Variants in ADAMTS16 observed in about 807,000 individuals in gnomAD.
ADAMTS16 encodes A disintegrin and metalloproteinase with thrombospondin motifs 16.
In ADAMTS16, 94 loss-of-function variants were observed where a neutral mutation model predicts 145.8. The ratio of observed to expected loss-of-function variants is 0.64; its 90% CI spans 0.55 to 0.77. ADAMTS16 has a LOEUF of 0.77. Ranked by LOEUF, ADAMTS16 falls within the 30% of genes least tolerant of loss-of-function variation. ADAMTS16 has a pLI of 0.00. For synonymous variants in ADAMTS16, 659 were observed against 604.3 expected (o/e 1.09, Z -1.33); for missense variants, 1,585 against 1,591.5 (o/e 1.00, Z 0.07).
At chr5:5,252,000 G>A (rs764168257) in intron 17 of ADAMTS16, among the ~76,000 whole-genome samples, 3 of 152,104 alleles carry the variant, frequency 2.0e-5, no homozygotes, top group South Asian at 2.1e-4. Context: ...ACAGGCGGCC[G>A]CCACCACGCC....
At chr5:5,266,067 T>A (rs1738230790) in intron 18 of ADAMTS16, among the ~76,000 whole-genome samples, 1 of 151,860 alleles carries the variant, frequency 6.6e-6, no homozygotes, top group Non-Finnish European at 1.5e-5. Flanking sequence ...ACTAGTTCCA[T>A]GTGGAAGTAA....
Position 5,237,136 on chromosome 5 carries a change from C to T in ADAMTS16, c.2154+37C>T, listed in dbSNP as rs372963528. ...CCTTCATTCATTCAACAAATGATTC[C>T]GGACAGTCTGCTTTGTGTCAAGCAT... On this transcript the variant is annotated intron_variant, in intron 14 of 22. Coordinates refer to ENST00000274181, the MANE Select transcript of ADAMTS16 (RefSeq NM_139056.4). 44 of 1,599,958 alleles carry T rather than the reference C, an allele frequency of 2.8e-5. No individual in the cohort carries two copies. The African/African-American group carries it at 3.8e-4, about 14-fold the overall frequency.
chr5:5,256,161 C>G (rs1271121512), intron 17 of ADAMTS16, among the ~76,000 whole-genome samples: 2 of 152,178 alleles, frequency 1.3e-5, no homozygotes, highest in Non-Finnish European at 2.9e-5. Flanking sequence ...GCATTCTCAA[C>G]TGAAGATTCT....
intron 18 of ADAMTS16, among the ~76,000 whole-genome samples, chr5:5,272,084 G>A (rs191195488): frequency 1.3e-5 from 2 of 152,090 alleles, no homozygotes; most frequent in Non-Finnish European, 2.9e-5. Context: ...ATCTGAGGCC[G>A]TGAAAATACT....
chr5:5,209,976 A>T (rs1457649436), intron 10 of ADAMTS16, among the ~76,000 whole-genome samples: 1 of 152,188 alleles, frequency 6.6e-6, no homozygotes, highest in Admixed American at 6.6e-5. Context: ...ATGCATTGGG[A>T]ATACTCCCAA....
At chr5:5,191,877 TCC>T in intron 8 of ADAMTS16, 87 bp downstream of exon 8, 1 of 977,460 alleles carries the variant, frequency 1.0e-6, no homozygotes, top group African/African-American at 1.6e-5. Context: ...TCAAGTCAAG[TCC>T]ATGAAGGGAA....
intron 3 of ADAMTS16, among the ~76,000 whole-genome samples, chr5:5,181,676 T>C (rs1474855737): frequency 2.0e-5 from 3 of 152,216 alleles, no homozygotes; most frequent in Non-Finnish European, 4.4e-5. Context: ...CCCTCACCAA[T>C]ATGAATATTT....
At position 5,209,022 on chromosome 5, in the gene ADAMTS16, G is replaced by A. The variant is rs73039923; in HGVS notation, c.1452-71G>A. On this transcript the variant is annotated intron_variant, in intron 9 of 22. Transcript: ENST00000274181. ...TTGTAAAATTACATGGGGGAGAAAG[G>A]CATAATTAGTTGTAAGTCCTTTGGT... 2,508 of 1,499,752 alleles carry A rather than the reference G, an allele frequency of 1.7e-3. 44 individuals carry two copies. The African/African-American group carries it at 0.032, about 19-fold the overall frequency. 92.9% of individuals were successfully genotyped at this position (1,499,752 alleles called of 1,614,324 possible). A position where few individuals can be genotyped will look rare whatever the true frequency, so the allele number is the denominator to read the frequency against.
At chr5:5,235,877 C>T (rs994303801) in intron 13 of ADAMTS16, among the ~76,000 whole-genome samples, 3 of 152,218 alleles carry the variant, frequency 2.0e-5, no homozygotes, top group African/African-American at 7.2e-5. Flanking sequence ...TCCCATCTGA[C>T]ATTCCCATTC....
intron 18 of ADAMTS16, among the ~76,000 whole-genome samples, chr5:5,263,252 G>C (rs1389290186): frequency 6.6e-6 from 1 of 152,174 alleles, no homozygotes; most frequent in Non-Finnish European, 1.5e-5. Flanking sequence ...CAGGGCTCTT[G>C]TCATCCACTC....
intron 17 of ADAMTS16, among the ~76,000 whole-genome samples, chr5:5,255,308 T>C (rs1260631823): frequency 6.6e-6 from 1 of 152,090 alleles, no homozygotes; most frequent in African/African-American, 2.4e-5. Context: ...ACCAAGAAAA[T>C]AGAAACCTTT....
intron 18 of ADAMTS16, among the ~76,000 whole-genome samples, chr5:5,282,205 C>A (rs1278863367): frequency 6.6e-6 from 1 of 152,138 alleles, no homozygotes; most frequent in Non-Finnish European, 1.5e-5. Context: ...GTGGCTGTTA[C>A]ACATTATATT....
chr5:5,296,022 G>A (rs1739515220), intron 18 of ADAMTS16, among the ~76,000 whole-genome samples: 1 of 152,212 alleles, frequency 6.6e-6, no homozygotes, highest in Admixed American at 6.5e-5. Context: ...TTGTTTAGGA[G>A]GCTTGCAAGA....
rs1011170238 is a variant in ADAMTS16, at chr5:5,269,551, G to C, written c.2789+6768G>C. Among the ~76,000 whole-genome samples the C allele has an allele frequency of 6.6e-6, 1 of 152,108 alleles. No homozygotes were observed. Among genetic ancestry groups the C allele is most frequent in the South Asian group, 2.1e-4 (1 of 4,832 alleles). On this transcript the variant is annotated intron_variant, in intron 18 of 22. Transcript: ENST00000274181. The surrounding 1 kb of genome is among the most constrained non-coding windows in gnomAD (Gnocchi z 4.3). The stretch of plus-strand genomic sequence containing the variant: ...ACTAAAGAGAAGGAAGCAATGACCA[G>C]CCCTTCCTCTTGCCAGAATCTCCCT...
At chr5:5,289,009 T>C (rs1350514480) in intron 18 of ADAMTS16, among the ~76,000 whole-genome samples, 1 of 152,176 alleles carries the variant, frequency 6.6e-6, no homozygotes, top group African/African-American at 2.4e-5. Flanking sequence ...TGTGAATGGG[T>C]TACTTGGTGT....
At position 5,262,758 on chromosome 5, in the gene ADAMTS16, T is replaced by G; in HGVS notation, c.2764T>G (p.Cys922Gly). 4 of 1,614,198 alleles carry G rather than the reference T, an allele frequency of 2.5e-6. No homozygotes were observed. In the South Asian group the frequency reaches 3.3e-5, roughly 13 times the overall value. ...ACGACCTGTCACGGGGCTGGTGCCT[T>G]GCAAAGTATCTGCCTGTCCTCCCAG... ...KTRPVTGLVP[C>G]KVSACPPSWS... The change falls in exon 18 of 23, where the codon TGC becomes GGC. Residue 922 changes from cysteine to glycine, a missense_variant. Around this residue, in one of 3 missense-constraint regions of ADAMTS16, gnomAD observed 834 missense variants for 811.7 expected, o/e 1.03. Transcript: ENST00000274181.
intron 3 of ADAMTS16, among the ~76,000 whole-genome samples, chr5:5,174,234 A>G (rs1735126574): frequency 1.3e-5 from 2 of 152,178 alleles, no homozygotes; most frequent in African/African-American, 4.8e-5. Context: ...TTCTAGGATT[A>G]AAGTTTTCTT....
chr5:5,152,975 C>A (rs563980899), intron 3 of ADAMTS16, among the ~76,000 whole-genome samples: 3 of 152,238 alleles, frequency 2.0e-5, no homozygotes, highest in African/African-American at 7.2e-5. Context: ...CTTTATTATC[C>A]CCATTTTACA....
chr5:5,198,057 A>T (rs1290772324), intron 8 of ADAMTS16, among the ~76,000 whole-genome samples: 1 of 152,244 alleles, frequency 6.6e-6, no homozygotes, highest in East Asian at 1.9e-4. Flanking sequence ...TAAAAGTTGA[A>T]GACCAAGATT....
Sources: gnomAD v4.1 joint callset for allele counts (sites outside exome capture counted in the v4.1 genomes callset) on GRCh38, gnomAD v4.1.1 for gene constraint, gnomAD v4.1.1 regional missense constraint, Gnocchi (gnomAD v3.1) non-coding constraint, MANE v1.5 for transcripts, NCBI Gene and HGNC (gene_info 2026-07-23, HGNC 2026-07-21) for gene names.